Variants in LRRTM3 observed in about 807,000 individuals in gnomAD.
LRRTM3 encodes the protein leucine rich repeat transmembrane neuronal 3, also known as leucine-rich repeat transmembrane neuronal protein 3.
A neutral mutation model predicts 44.7 loss-of-function variants in LRRTM3; 24 were observed. The ratio of observed to expected loss-of-function variants is 0.54; its 90% CI spans 0.39 to 0.76. LRRTM3 has a LOEUF of 0.76. LRRTM3 is among the 30% of genes least tolerant of loss of function. The pLI is 0.00. For synonymous variants in LRRTM3, 277 were observed against 278.7 expected (o/e 0.99, Z 0.06); for missense variants, 587 against 702.2 (o/e 0.84, Z 1.85).
chr10:67,058,347 G>T (rs1317666866), intron 2 of LRRTM3, among the ~76,000 whole-genome samples: 1 of 152,150 alleles, frequency 6.6e-6, no homozygotes, highest in Non-Finnish European at 1.5e-5. Context: ...ATTGTTTTAT[G>T]TATTACATTG....
At chr10:66,931,700 T>C (rs1847404324) in intron 2 of LRRTM3, among the ~76,000 whole-genome samples, 1 of 152,238 alleles carries the variant, frequency 6.6e-6, no homozygotes, top group African/African-American at 2.4e-5. Flanking sequence ...AATATAATTA[T>C]AATGTAATTT....
chr10:67,008,631 A>G (rs1419354723), intron 2 of LRRTM3, among the ~76,000 whole-genome samples: 2 of 152,128 alleles, frequency 1.3e-5, no homozygotes, highest in East Asian at 3.9e-4. Context: ...ATGGTCTAGG[A>G]TAGCCCCATT....
chr10:67,096,575 G>A (rs544177169), intron 2 of LRRTM3, among the ~76,000 whole-genome samples: 69 of 151,962 alleles, frequency 4.5e-4, no homozygotes, highest in Admixed American at 2.2e-3. Flanking sequence ...GATCAGGACT[G>A]AAGGTTCCTG....
intron 2 of LRRTM3, among the ~76,000 whole-genome samples, chr10:67,084,501 C>G (rs1289731526): frequency 6.6e-6 from 1 of 151,688 alleles, no homozygotes; most frequent in Non-Finnish European, 1.5e-5. Context: ...AAATTTCATT[C>G]ACAGCAGAAC....
At chr10:66,993,470 C>A (rs559769983) in intron 2 of LRRTM3, among the ~76,000 whole-genome samples, 1 of 152,204 alleles carries the variant, frequency 6.6e-6, no homozygotes, top group Admixed American at 6.5e-5. Context: ...TTGGAAATAA[C>A]AATCTATTGC....
Position 66,927,057 on chromosome 10 carries a change from T to C in LRRTM3, c.141T>C (p.Cys47=), listed in dbSNP as rs774347675. 7.4e-6 allele frequency: 12 copies of C among 1,614,184 alleles called. No individual in the cohort carries two copies. The highest frequency in any genetic ancestry group is 1.1e-5 in the South Asian group (1 of 91,080). ...GCRCEGKMVY[C]ESQKLQEIPS... ...GGTGTGAAGGCAAAATGGTATATTG[T>C]GAATCTCAGAAATTACAGGAGATAC... The change falls in exon 2 of 3, where the codon TGT becomes TGC. Residue 47 remains cysteine (C), a synonymous_variant. Coordinates refer to ENST00000361320, the MANE Select transcript of LRRTM3 (RefSeq NM_178011.5). The surrounding 1 kb of genome is among the most constrained non-coding windows in gnomAD (Gnocchi z 4.7).
chr10:66,978,552 A>AAAAAAAATATATATATAT, intron 2 of LRRTM3, among the ~76,000 whole-genome samples: 6 of 37,882 alleles, frequency 1.6e-4, no homozygotes, highest in Admixed American at 9.7e-4. Context: ...AAAAAAAAAA[A>AAAAAAAATATATATATAT]ATATATATAT....
At chr10:67,032,943 GTGAT>G (rs1023042196) in intron 2 of LRRTM3, among the ~76,000 whole-genome samples, 19 of 152,232 alleles carry the variant, frequency 1.2e-4, no homozygotes, top group African/African-American at 4.6e-4. Context: ...GGAATCTGAA[GTGAT>G]TCAGAATGGC....
chr10:67,060,325 T>C (rs1453601775), intron 2 of LRRTM3, among the ~76,000 whole-genome samples: 1 of 152,078 alleles, frequency 6.6e-6, no homozygotes, highest in East Asian at 1.9e-4. Context: ...AGAAAAGTCT[T>C]TTTAAAAAAA....
chr10:66,936,554 G>GT (rs989822853), intron 2 of LRRTM3, among the ~76,000 whole-genome samples: 2 of 152,050 alleles, frequency 1.3e-5, no homozygotes, highest in African/African-American at 4.8e-5. Context: ...TGCCTTGCCT[G>GT]TTTTTCTAGA....
intron 2 of LRRTM3, 31 bp downstream of exon 2, chr10:66,928,483 A>G (rs551740691): frequency 5.8e-6 from 9 of 1,542,988 alleles, no homozygotes; most frequent in Non-Finnish European, 7.8e-6. Flanking sequence ...AAGAGCTCTT[A>G]AAAGCTGGGA....
chr10:67,012,347 C>G (rs1255674644), intron 2 of LRRTM3: 3 of 152,174 alleles, frequency 2.0e-5, no homozygotes, highest in African/African-American at 7.2e-5. Flanking sequence ...AGATGCCCAC[C>G]TACAGGTCAG....
intron 2 of LRRTM3, among the ~76,000 whole-genome samples, chr10:67,066,681 T>G (rs1856112246): frequency 6.6e-6 from 1 of 152,174 alleles, no homozygotes; most frequent in African/African-American, 2.4e-5. Flanking sequence ...CTTGAATAAT[T>G]GTTAAACAAA....
At chr10:67,030,992 G>A (rs567734582) in intron 2 of LRRTM3, among the ~76,000 whole-genome samples, 11 of 152,134 alleles carry the variant, frequency 7.2e-5, no homozygotes, top group South Asian at 2.1e-4. Context: ...CAACAAGAGC[G>A]AAACTCCGTC....
chr10:67,038,963 T>C (rs1362623485), intron 2 of LRRTM3, among the ~76,000 whole-genome samples: 2 of 152,094 alleles, frequency 1.3e-5, no homozygotes, highest in Non-Finnish European at 2.9e-5. Context: ...AGAAGATTCA[T>C]GATAGATATT....
At chr10:67,086,894 T>G (rs184100801) in intron 2 of LRRTM3, among the ~76,000 whole-genome samples, 3 of 152,026 alleles carry the variant, frequency 2.0e-5, no homozygotes, top group Non-Finnish European at 2.9e-5. Context: ...CATTAACTGA[T>G]GTAGTGTTAT....
chr10:67,055,566 C>T (rs1321740535), intron 2 of LRRTM3, among the ~76,000 whole-genome samples: 1 of 152,120 alleles, frequency 6.6e-6, no homozygotes, highest in African/African-American at 2.4e-5. Context: ...GGAAAATTTT[C>T]TAAGCAATAA....
rs67598003 is a variant in LRRTM3, at chr10:66,942,548, G to GTCTC, written c.1536+14122_1536+14125dup. ...TCTCTCTTTAAAACATTGCCATAAT[G>GTCTC]TCTCTCTCTCTCTCTCTCTCTCTCT... On this transcript the variant is annotated intron_variant, in intron 2 of 2. Coordinates refer to ENST00000361320, the MANE Select transcript of LRRTM3 (RefSeq NM_178011.5). Among the ~76,000 whole-genome samples the GTCTC allele has an allele frequency of 3.6e-3, 534 of 148,122 alleles. 3 individuals are homozygous for GTCTC. The highest frequency in any genetic ancestry group is 5.7e-3 in the Non-Finnish European group (380 of 66,732).
rs1328333354 is a variant in LRRTM3, at chr10:67,018,426, G to T, written c.1537-79161G>T. 5.3e-5 allele frequency among the ~76,000 whole-genome samples: 8 copies of T among 152,256 alleles called. No homozygotes were observed. The East Asian group carries it at 1.4e-3, about 26-fold the overall frequency. ...GTTATAAATGTCCAAAACCACATTT[G>T]TATTTTGCATTTCTAGTATGTTACA... On this transcript the variant is annotated intron_variant, in intron 2 of 2. Transcript: ENST00000361320.
Sources: allele counts gnomAD v4.1 joint callset (sites outside exome capture counted in the v4.1 genomes callset), GRCh38; gene constraint gnomAD v4.1.1; non-coding constraint Gnocchi (gnomAD v3.1); transcripts MANE v1.5; gene names NCBI Gene and HGNC (gene_info 2026-07-23, HGNC 2026-07-21).